The following TMPRSS11A variants were observed in gnomAD, a reference collection of about 807,000 sequenced individuals.
TMPRSS11A encodes the protein transmembrane protease serine 11A.
Under a neutral mutation model 58.9 loss-of-function variants are expected in TMPRSS11A, and 53 were observed. The observed-to-expected ratio is 0.90, with a 90% confidence interval of 0.72 to 1.13. The LOEUF is 1.13. TMPRSS11A is among the 50% of genes most tolerant of loss of function. The probability of loss-of-function intolerance (pLI) is 0.00; values close to 1 mark genes in which losing one functional copy is unlikely to be tolerated. For missense variants in TMPRSS11A, 493 were observed against 499.3 expected (o/e 0.99, Z 0.12); for synonymous variants, 167 against 169.8 (o/e 0.98, Z 0.13).
Position 67,963,464 on chromosome 4 carries a change from A to C in TMPRSS11A, c.-71T>G. ...TCAACTTTCTAATCAACTATATGAC[A>C]TCTCTAGATGTATTAGAAGTCTACG... On this transcript the variant is annotated 5_prime_UTR_variant, in exon 1 of 10. The change abolishes an upstream ATG in the 5' untranslated region. Transcript: ENST00000508048. 6.6e-7 allele frequency: 1 copy of C among 1,523,956 alleles called. No individual in the cohort carries two copies. Among genetic ancestry groups the C allele is most frequent in the Non-Finnish European group, 9.1e-7 (1 of 1,103,044 alleles). The allele number at this position is 1,523,956 out of a possible 1,614,324, so 94.4% of individuals were successfully genotyped here. A position where few individuals can be genotyped will look rare whatever the true frequency, so the allele number is the denominator to read the frequency against.
chr4:67,953,671 G>A (rs1721215198), intron 1 of TMPRSS11A, among the ~76,000 whole-genome samples: 1 of 152,266 alleles, frequency 6.6e-6, no homozygotes, highest in East Asian at 1.9e-4. Flanking sequence ...GGTGGCACAT[G>A]CCTGTAATCC....
intron 3 of TMPRSS11A, 95 bp downstream of exon 3, chr4:67,944,424 G>T: frequency 7.3e-7 from 1 of 1,378,634 alleles, no homozygotes; most frequent in Non-Finnish European, 1.0e-6. Flanking sequence ...TAATGTTGGC[G>T]GTCTGAAAAT....
chr4:67,940,811 A>G (rs955677758), intron 3 of TMPRSS11A, among the ~76,000 whole-genome samples: 1 of 152,216 alleles, frequency 6.6e-6, no homozygotes, highest in Non-Finnish European at 1.5e-5. Context: ...AGAGACATAA[A>G]GCTCAATTGC....
Position 67,909,410 on chromosome 4 carries a change from CT to C in TMPRSS11A, c.*1931del, listed in dbSNP as rs1348058271. On this transcript the variant is annotated 3_prime_UTR_variant, in exon 10 of 10. Coordinates refer to ENST00000508048, the MANE Select transcript of TMPRSS11A (RefSeq NM_001114387.2). ...GTTTGTAGAATGCTCTGATCACCAA[CT>C]TTATTAGATTAAAAATGACATATCA... is the stretch of plus-strand genomic sequence containing the variant. The C allele has an allele frequency of 1.3e-5, 2 of 152,068 alleles. No homozygotes were observed. The highest frequency in any genetic ancestry group is 2.9e-5 in the Non-Finnish European group (2 of 67,976). 9.4% of individuals were successfully genotyped at this position (152,068 alleles called of 1,614,324 possible). A position where few individuals can be genotyped will look rare whatever the true frequency, so the allele number is the denominator to read the frequency against.
rs748574645 is a variant in TMPRSS11A at position 67,958,972 on chromosome 4, C to A, written c.11+4411G>T. 2.0e-4 allele frequency among the ~76,000 whole-genome samples: 30 copies of A among 152,176 alleles called. 1 individual carries two copies. The highest frequency in any genetic ancestry group is 7.2e-5 in the African/African-American group (3 of 41,446). ...CCACTGTGTAAGAAAGACAATCATGCCTTTTACCTTCTGCCATGATTGTGA... is the reference window on the plus strand; with the variant it reads ...CCACTGTGTAAGAAAGACAATCATGACTTTTACCTTCTGCCATGATTGTGA... On this transcript the variant is annotated intron_variant, in intron 1 of 9. Coordinates refer to ENST00000508048, the MANE Select transcript of TMPRSS11A (RefSeq NM_001114387.2).
intron 2 of TMPRSS11A, among the ~76,000 whole-genome samples, chr4:67,945,550 A>C (rs1272834830): frequency 6.6e-6 from 1 of 152,192 alleles, no homozygotes; most frequent in African/African-American, 2.4e-5. Context: ...TTATGCAACC[A>C]AATAAAGTGA....
Position 67,960,275 on chromosome 4 carries a change from G to A in TMPRSS11A, c.11+3108C>T, listed in dbSNP as rs375887546. The stretch of plus-strand genomic sequence containing the variant: ...AACCTGCAGATGTATCCACTATAGC[G>A]AAAATAAATGTTGAAATTTAAAAAA... On this transcript the variant is annotated intron_variant, in intron 1 of 9. Transcript: ENST00000508048. Among the ~76,000 whole-genome samples the A allele has an allele frequency of 6.6e-5, 10 of 152,154 alleles. No homozygotes were observed. In the South Asian group the frequency reaches 1.7e-3, roughly 25 times the overall value.
intron 6 of TMPRSS11A, among the ~76,000 whole-genome samples, chr4:67,923,336 A>G (rs1720381363): frequency 6.6e-6 from 1 of 152,214 alleles, no homozygotes; most frequent in East Asian, 1.9e-4. Context: ...GAATGAATAA[A>G]CACATGGATA....
intron 7 of TMPRSS11A, 147 bp from the exon 8 acceptor site, chr4:67,919,379 T>C: frequency 1.4e-6 from 1 of 690,452 alleles, no homozygotes; most frequent in Non-Finnish European, 2.4e-6. Flanking sequence ...TTAAATATAA[T>C]CTATTGCTAA....
intron 6 of TMPRSS11A, among the ~76,000 whole-genome samples, chr4:67,923,272 C>A (rs1178843389): frequency 6.6e-6 from 1 of 152,122 alleles, no homozygotes; most frequent in Admixed American, 6.5e-5. Flanking sequence ...CACAATGGTA[C>A]CACCAACTCC....
In TMPRSS11A at chr4:67,929,990, G is replaced by A. The variant is rs768470013; in HGVS notation, c.371C>T (p.Pro124Leu). Residue 124 changes from proline to leucine, a missense_variant, in exon 5 of 10, where the codon CCC (proline) becomes CTC (leucine). By Grantham distance (98) the Pro-to-Leu change is moderately conservative (BLOSUM62 -3). Transcript: ENST00000508048. ...TCTTACTGCCCTTTGTTCAGTAGAG[G>A]GGAACTGGAACACCATAATGACATC... ...KVDVIMVFQF[P>L]STEQRAVREK... 2 of 1,613,364 alleles carry A rather than the reference G, an allele frequency of 1.2e-6. No individual in the cohort carries two copies. The highest frequency in any genetic ancestry group is 2.7e-5 in the African/African-American group (2 of 74,896).
At chr4:67,954,810 G>A (rs1721245262) in intron 1 of TMPRSS11A, among the ~76,000 whole-genome samples, 1 of 152,158 alleles carries the variant, frequency 6.6e-6, no homozygotes, top group African/African-American at 2.4e-5. Context: ...GTGAGGCAAA[G>A]CATTTGGCCC....
At chr4:67,912,412 T>C (rs1720008216) in intron 9 of TMPRSS11A, among the ~76,000 whole-genome samples, 1 of 152,164 alleles carries the variant, frequency 6.6e-6, no homozygotes, top group African/African-American at 2.4e-5. Flanking sequence ...GATTATCTGA[T>C]ACCACTCTTT....
chr4:67,912,042 T>G (rs2109729935), intron 9 of TMPRSS11A, among the ~76,000 whole-genome samples: 1 of 152,338 alleles, frequency 6.6e-6, no homozygotes, highest in Non-Finnish European at 1.5e-5. Flanking sequence ...TTAGTACCAG[T>G]GTGTAAATTT....
chr4:67,911,907 C>T (rs1719991032), intron 9 of TMPRSS11A, among the ~76,000 whole-genome samples: 1 of 152,056 alleles, frequency 6.6e-6, no homozygotes, highest in Admixed American at 6.6e-5. Context: ...TAGGTTTAGA[C>T]AGTAAATATT....
intron 3 of TMPRSS11A, among the ~76,000 whole-genome samples, chr4:67,935,992 T>A (rs1389199001): frequency 6.6e-6 from 1 of 152,166 alleles, no homozygotes; most frequent in African/African-American, 2.4e-5. Context: ...TGCTTTCAAA[T>A]CAGCCCTCTA....
chr4:67,956,442 T>C (rs1377386748), intron 1 of TMPRSS11A, among the ~76,000 whole-genome samples: 1 of 152,212 alleles, frequency 6.6e-6, no homozygotes, highest in Non-Finnish European at 1.5e-5. Context: ...AGTGGGTCAA[T>C]TTCTTGTCAT....
At chr4:67,947,001 T>C (rs1002924185) in intron 1 of TMPRSS11A, among the ~76,000 whole-genome samples, 2 of 152,180 alleles carry the variant, frequency 1.3e-5, no homozygotes, top group South Asian at 4.1e-4. Context: ...TATGAAAATG[T>C]TCAGACATAA....
intron 3 of TMPRSS11A, among the ~76,000 whole-genome samples, chr4:67,933,438 GT>G (rs1462988517): frequency 6.6e-6 from 1 of 152,048 alleles, no homozygotes; most frequent in Non-Finnish European, 1.5e-5. Flanking sequence ...TTTTACTTCG[GT>G]TTCTTTTGTA....
Sources: gnomAD v4.1 joint callset for allele counts (sites outside exome capture counted in the v4.1 genomes callset) on GRCh38, gnomAD v4.1.1 for gene constraint, MANE v1.5 for transcripts, NCBI Gene and HGNC (gene_info 2026-07-23, HGNC 2026-07-21) for gene names.